Variants in CYP2J2 observed in about 807,000 individuals in gnomAD.
CYP2J2 encodes the protein cytochrome P450 2J2.
CYP2J2 carries 41 observed loss-of-function variants against 48.8 expected under a neutral mutation model. That is an observed-to-expected ratio of 0.84 (90% confidence interval 0.66 to 1.09). The LOEUF is 1.09. Among genes scored for constraint, CYP2J2 ranks in the 50% least tolerant of loss-of-function variants. CYP2J2 has a pLI of 0.00. For synonymous variants in CYP2J2, 221 were observed against 227.1 expected (o/e 0.97, Z 0.24); for missense variants, 644 against 617.3 (o/e 1.04, Z -0.46).
the CYP2J2 span, among the ~76,000 whole-genome samples, chr1:59,959,007 T>C: frequency 6.6e-6 from 1 of 152,214 alleles, no homozygotes; most frequent in Admixed American, 6.5e-5. Flanking sequence ...TGTAATTTTA[T>C]ATATTTTTTG....
intron 2 of CYP2J2, among the ~76,000 whole-genome samples, chr1:59,915,354 C>A (rs1417340211): frequency 6.6e-6 from 1 of 152,170 alleles, no homozygotes; most frequent in Non-Finnish European, 1.5e-5. Context: ...TGTGGAAGGG[C>A]TGGCCCCCTT....
chr1:59,935,051 T>TATATATATATATATATATATATATAC, the CYP2J2 span, among the ~76,000 whole-genome samples: 1 of 107,758 alleles, frequency 9.3e-6, no homozygotes, highest in Non-Finnish European at 1.9e-5. Flanking sequence ...TATATATATA[T>TATATATATATATATATATATATATAC]ACACAACAGA....
At chr1:59,953,506 ATGTGTGTG>A in the CYP2J2 span, among the ~76,000 whole-genome samples, 18,672 of 150,394 alleles carry the variant, frequency 0.12, 1,531 homozygotes, top group African/African-American at 0.24. Flanking sequence ...CAGTGTGTAT[ATGTGTGTG>A]TGTGTGTGTG....
At chr1:59,922,197 A>T (rs1481969473) in intron 1 of CYP2J2, among the ~76,000 whole-genome samples, 1 of 152,162 alleles carries the variant, frequency 6.6e-6, no homozygotes, top group Non-Finnish European at 1.5e-5. Context: ...TAGGTATACA[A>T]ATCAAATAGT....
At chr1:59,906,964 G>C (rs1316966693) in intron 6 of CYP2J2, among the ~76,000 whole-genome samples, 1 of 152,098 alleles carries the variant, frequency 6.6e-6, no homozygotes, top group Admixed American at 6.5e-5. Context: ...TTAATAAACA[G>C]TTACCCACAA....
At chr1:59,908,048 T>C in intron 5 of CYP2J2, 121 bp from the exon 6 acceptor site, 2 of 980,734 alleles carry the variant, frequency 2.0e-6, no homozygotes, top group Non-Finnish European at 3.1e-6. Flanking sequence ...AAAGAAACAA[T>C]TTTCCCTTTG....
chr1:59,934,387 T>C, the CYP2J2 span, among the ~76,000 whole-genome samples: 1 of 152,056 alleles, frequency 6.6e-6, no homozygotes, highest in Non-Finnish European at 1.5e-5. Context: ...CAAGTGAGAA[T>C]ATCAAACTAA....
chr1:59,910,465 G>T lies in CYP2J2; in HGVS notation c.685-505C>A, dbSNP rs547049968. Among the ~76,000 whole-genome samples, 14 of 143,848 alleles carry T rather than the reference G, an allele frequency of 9.7e-5. 2 individuals carry two copies. In the East Asian group the frequency reaches 2.7e-3, roughly 28 times the overall value. The allele number at this position is 143,848 out of a possible 152,430, so 94.4% of individuals were successfully genotyped here. A position where few individuals can be genotyped will look rare whatever the true frequency, so the allele number is the denominator to read the frequency against. ...GTGTTGATAATTGTTAGAGCTCACT[G>T]ATGAGTATACACAGTGATTCATGAT... On this transcript the variant is annotated intron_variant, in intron 4 of 8. Coordinates refer to ENST00000371204, the MANE Select transcript of CYP2J2 (RefSeq NM_000775.4).
chr1:59,900,387 C>T (rs994451575), intron 8 of CYP2J2, among the ~76,000 whole-genome samples: 2 of 152,208 alleles, frequency 1.3e-5, no homozygotes, highest in Non-Finnish European at 2.9e-5. Flanking sequence ...AGCACTTTGG[C>T]TTTGGGAGGC....
At chr1:59,917,581 G>T (rs879380514) in intron 1 of CYP2J2, among the ~76,000 whole-genome samples, 27 of 152,304 alleles carry the variant, frequency 1.8e-4, no homozygotes, top group Non-Finnish European at 2.8e-4. Context: ...GAGTTTAGTG[G>T]GAGTGACAGA....
chr1:59,902,394 GAATT>G (rs985566186), intron 7 of CYP2J2, among the ~76,000 whole-genome samples: 3 of 151,830 alleles, frequency 2.0e-5, no homozygotes, highest in African/African-American at 7.3e-5. Context: ...TTACTTCAAG[GAATT>G]AATATCAATG....
intron 8 of CYP2J2, among the ~76,000 whole-genome samples, chr1:59,900,403 C>T (rs192725989): frequency 2.2e-4 from 34 of 152,270 alleles, no homozygotes; most frequent in Non-Finnish European, 3.5e-4. Context: ...GAGGCCGAGG[C>T]GGGTGGATCA....
At chr1:59,912,568 AATTATTACCACC>A in intron 2 of CYP2J2, 1 of 351,370 alleles carries the variant, frequency 2.8e-6, no homozygotes. Context: ...GGATAGGTAC[AATTATTACCACC>A]CCACACATTT....
chr1:59,912,363 T>A, intron 2 of CYP2J2, 52 bp from the exon 3 acceptor site: 1 of 1,546,552 alleles, frequency 6.5e-7, no homozygotes, highest in South Asian at 1.2e-5. Context: ...AATATGAATA[T>A]CCAGCAAATG....
intron 8 of CYP2J2, among the ~76,000 whole-genome samples, chr1:59,899,379 C>T (rs778949500): frequency 1.3e-5 from 2 of 152,120 alleles, no homozygotes; most frequent in Non-Finnish European, 2.9e-5. Context: ...AAGACAGCAT[C>T]GATCATCAGA....
At chr1:59,948,077 T>C in the CYP2J2 span, among the ~76,000 whole-genome samples, 1 of 152,176 alleles carries the variant, frequency 6.6e-6, no homozygotes, top group Non-Finnish European at 1.5e-5. Context: ...AAATGGAGAA[T>C]CTTCATTTTT....
intron 8 of CYP2J2, among the ~76,000 whole-genome samples, chr1:59,896,312 T>C (rs1644268539): frequency 1.3e-5 from 2 of 150,720 alleles, no homozygotes; most frequent in South Asian, 4.2e-4. Context: ...AAAATATATA[T>C]ATATATACAC....
intron 6 of CYP2J2, 114 bp downstream of exon 6, chr1:59,907,672 C>T: frequency 8.7e-7 from 1 of 1,153,822 alleles, no homozygotes; most frequent in Non-Finnish European, 1.2e-6. Flanking sequence ...TCACTCATGA[C>T]TGTTCTGCCT....
At chr1:59,939,183 T>G in the CYP2J2 span, among the ~76,000 whole-genome samples, 1 of 152,202 alleles carries the variant, frequency 6.6e-6, no homozygotes, top group Admixed American at 6.5e-5. Context: ...AATTAGGTAT[T>G]TATTGTAGTC....
Sources: allele counts gnomAD v4.1 joint callset (sites outside exome capture counted in the v4.1 genomes callset), GRCh38; gene constraint gnomAD v4.1.1; transcripts MANE v1.5; gene names NCBI Gene and HGNC (gene_info 2026-07-23, HGNC 2026-07-21).